FAM78B: variants seen among roughly 807,000 people sequenced by gnomAD.
FAM78B encodes protein FAM78B.
Under a neutral mutation model 20.0 loss-of-function variants are expected in FAM78B, and 10 were observed. The observed-to-expected ratio is 0.50, with a 90% confidence interval of 0.31 to 0.85. The LOEUF (loss-of-function observed/expected upper bound fraction) is 0.85, where lower values mean the gene tolerates loss of function less well. Among genes scored for constraint, FAM78B ranks in the 40% least tolerant of loss-of-function variants. FAM78B has a pLI of 0.05. For missense variants in FAM78B, 283 were observed against 345.0 expected (o/e 0.82, Z 1.42); for synonymous variants, 135 against 132.8 (o/e 1.02, Z -0.12).
At chr1:166,084,237 A>ACACTCTCT (rs771421402) in intron 1 of FAM78B, among the ~76,000 whole-genome samples, 51 of 125,472 alleles carry the variant, frequency 4.1e-4, no homozygotes, top group East Asian at 1.6e-3. Context: ...ACACACACAC[A>ACACTCTCT]CTCTCTCTCT....
chr1:166,082,782 G>A (rs1252736190), intron 1 of FAM78B: 1 of 152,548 alleles, frequency 6.6e-6, no homozygotes, highest in Non-Finnish European at 1.5e-5. Context: ...GGAGTAAGAT[G>A]GGGAAGGCTC....
At chr1:166,066,946 G>A (rs1424092135), downstream of FAM78B, among the ~76,000 whole-genome samples, 1 of 142,710 alleles carries the variant, frequency 7.0e-6, no homozygotes, top group African/African-American at 2.7e-5. Context: ...AATGTAAACT[G>A]CATGCAGCGA....
chr1:166,159,810 C>T (rs1234615469), intron 1 of FAM78B, among the ~76,000 whole-genome samples: 1 of 152,232 alleles, frequency 6.6e-6, no homozygotes, highest in African/African-American at 2.4e-5. Context: ...CCTCCTTTGA[C>T]TCCAGAGTTG....
intron 1 of FAM78B, among the ~76,000 whole-genome samples, chr1:166,130,714 G>C (rs952463459): frequency 6.6e-6 from 1 of 152,128 alleles, no homozygotes; most frequent in Admixed American, 6.5e-5. Context: ...TAATCAAGTT[G>C]AAAAAACTGA....
intron 1 of FAM78B, among the ~76,000 whole-genome samples, chr1:166,078,559 C>A (rs10918338): frequency 0.21 from 31,525 of 152,182 alleles, 3,548 homozygotes; most frequent in Non-Finnish European, 0.25. Flanking sequence ...TTAAGCATTT[C>A]ATTCAAATAA....
intron 1 of FAM78B, among the ~76,000 whole-genome samples, chr1:166,121,944 G>A (rs1167189113): frequency 6.6e-6 from 1 of 152,168 alleles, no homozygotes; most frequent in Admixed American, 6.5e-5. Context: ...CAGCCCTGAA[G>A]GCAACTCCCA....
At chr1:166,082,319 TG>T (rs1468834856) in intron 1 of FAM78B, among the ~76,000 whole-genome samples, 1 of 152,262 alleles carries the variant, frequency 6.6e-6, no homozygotes, top group Admixed American at 6.5e-5. Flanking sequence ...TTGGATTTGC[TG>T]TTCCCTTTGC....
intron 1 of FAM78B, among the ~76,000 whole-genome samples, chr1:166,086,692 C>A (rs902712805): frequency 1.3e-5 from 2 of 152,128 alleles, no homozygotes; most frequent in Admixed American, 1.3e-4. Context: ...AGCAGCTGAG[C>A]TGGGGCAGGA....
At chr1:166,077,945 AATTTATATATAT>A (rs2101719073) in intron 1 of FAM78B, among the ~76,000 whole-genome samples, 1 of 12,790 alleles carries the variant, frequency 7.8e-5, no homozygotes, top group Admixed American at 1.3e-3. Flanking sequence ...TAATATATAT[AATTTATATATAT>A]AATTATATAT....
At chr1:166,080,989 C>T (rs954381533) in intron 1 of FAM78B, among the ~76,000 whole-genome samples, 2 of 152,206 alleles carry the variant, frequency 1.3e-5, no homozygotes, top group African/African-American at 4.8e-5. Flanking sequence ...TTCTCAGATG[C>T]TTTGCAACCA....
At chr1:166,061,098 C>CTAAA (rs1430767947) in intron 2 of FAM78B, among the ~76,000 whole-genome samples, 1 of 152,154 alleles carries the variant, frequency 6.6e-6, no homozygotes, top group Non-Finnish European at 1.5e-5. Context: ...CACGACTGAG[C>CTAAA]TAAAACTTAC....
At chr1:166,080,277 TA>T (rs1336462715) in intron 1 of FAM78B, among the ~76,000 whole-genome samples, 1 of 152,186 alleles carries the variant, frequency 6.6e-6, no homozygotes, top group East Asian at 1.9e-4. Context: ...GAACAATTGC[TA>T]AACGACCCCT....
chr1:166,109,868 G>A (rs7366686), intron 1 of FAM78B, among the ~76,000 whole-genome samples: 462 of 8,368 alleles, frequency 0.055, 43 homozygotes, highest in Non-Finnish European at 0.082. Flanking sequence ...ATATGTATGT[G>A]TATATATATA....
At chr1:166,130,912 T>C (rs544485258) in intron 1 of FAM78B, among the ~76,000 whole-genome samples, 2 of 151,782 alleles carry the variant, frequency 1.3e-5, no homozygotes, top group African/African-American at 2.4e-5. Flanking sequence ...ATTACTAAGC[T>C]TGGCCGATGT....
intron 1 of FAM78B, among the ~76,000 whole-genome samples, chr1:166,101,957 G>A (rs1028988283): frequency 2.6e-5 from 4 of 152,190 alleles, no homozygotes; most frequent in Non-Finnish European, 2.9e-5. Context: ...GGCAGCCAGA[G>A]AGAAAGGTCA....
At chr1:166,080,349 A>G (rs1461471109) in intron 1 of FAM78B, among the ~76,000 whole-genome samples, 3 of 150,382 alleles carry the variant, frequency 2.0e-5, no homozygotes, top group African/African-American at 7.3e-5. Context: ...ACCCACCACC[A>G]TGTCTCCAAA....
chr1:166,155,888 C>T (rs1202903084), intron 1 of FAM78B, among the ~76,000 whole-genome samples: 1 of 152,164 alleles, frequency 6.6e-6, no homozygotes, highest in Non-Finnish European at 1.5e-5. Flanking sequence ...CCAGCCTGAG[C>T]CCCCATGCAG....
At chr1:166,156,669 G>A (rs1048257499) in intron 1 of FAM78B, among the ~76,000 whole-genome samples, 1 of 152,192 alleles carries the variant, frequency 6.6e-6, no homozygotes, top group South Asian at 2.1e-4. Context: ...GACCTGCAAA[G>A]AATAAAGTAC....
intron 1 of FAM78B, among the ~76,000 whole-genome samples, chr1:166,146,809 T>C (rs1442999617): frequency 2.6e-5 from 4 of 152,208 alleles, no homozygotes; most frequent in Admixed American, 6.5e-5. Flanking sequence ...AGCATTGGCA[T>C]TCATTTCATT....
Sources: allele counts gnomAD v4.1 joint callset (sites outside exome capture counted in the v4.1 genomes callset), GRCh38; gene constraint gnomAD v4.1.1; transcripts MANE v1.5; gene names NCBI Gene and HGNC (gene_info 2026-07-23, HGNC 2026-07-21).